FLT4: variants seen among roughly 807,000 people sequenced by gnomAD.
FLT4 encodes fms related receptor tyrosine kinase 4.
Under a neutral mutation model 163.2 loss-of-function variants are expected in FLT4, and 30 were observed. The ratio of observed to expected loss-of-function variants is 0.18; its 90% CI spans 0.14 to 0.25. The LOEUF is 0.25. FLT4 is among the 10% of genes least tolerant of loss of function. The pLI, the probability that FLT4 is intolerant of heterozygous loss-of-function variation, is 1.00. For synonymous variants in FLT4, 884 were observed against 789.5 expected (o/e 1.12, Z -2.01); for missense variants, 1,510 against 1,863.8 (o/e 0.81, Z 3.50).
chr5:180,630,248 C>G lies in FLT4; in HGVS notation c.490G>C (p.Gly164Arg). Residue 164 changes from glycine to arginine, a missense_variant, in exon 4 of 30, where the codon GGC becomes CGC. Physicochemically the swap from Gly to Arg is moderately radical, Grantham distance 125. This residue lies in a region of FLT4 where 163 missense variants were observed against 281.1 expected (regional missense o/e 0.58). Transcript: ENST00000261937. This position sits in a 1 kb window ranked among gnomAD's most constrained non-coding sequence, Gnocchi z 6.3. ...ACCGAGCGCAGCGTGACATTGAGGCCGGGGATGGACACCAGACAGGGCACC... is the reference window on the plus strand; with the variant it reads ...ACCGAGCGCAGCGTGACATTGAGGCGGGGGATGGACACCAGACAGGGCACC... ...MWVPCLVSIP[G>R]LNVTLRSQSS... 1.9e-6 allele frequency: 3 copies of G among 1,612,422 alleles called. No homozygotes were observed. The highest frequency in any genetic ancestry group is 1.7e-6 in the Non-Finnish European group (2 of 1,179,792).
At position 180,623,152 on chromosome 5, in the gene FLT4, G is replaced by C. The variant is rs1179031889; in HGVS notation, c.1549-313C>G. On this transcript the variant is annotated intron_variant, in intron 11 of 29. Coordinates refer to ENST00000261937, the MANE Select transcript of FLT4 (RefSeq NM_182925.5). The surrounding 1 kb of genome is among the most constrained non-coding windows in gnomAD (Gnocchi z 5.8). ...AGACCTCTGGCCGTGGCTATGTTGA[G>C]GGGGCACCAGCGTCAGTGCAAGCCA... Among the ~76,000 whole-genome samples the C allele has an allele frequency of 1.3e-5, 2 of 152,172 alleles. No individual in the cohort carries two copies. Among genetic ancestry groups the C allele is most frequent in the Non-Finnish European group, 2.9e-5 (2 of 68,020 alleles).
chr5:180,612,737 C>A, intron 25 of FLT4, 126 bp from the exon 26 acceptor site: 1 of 746,036 alleles, frequency 1.3e-6, no homozygotes, highest in South Asian at 1.4e-5. Flanking sequence ...CCACTCTTGT[C>A]CAGCTACCCT....
chr5:180,604,129 A>AACAGCAAAGCGGATCG (rs1232701591), intron 29 of FLT4, among the ~76,000 whole-genome samples: 1 of 152,106 alleles, frequency 6.6e-6, no homozygotes, highest in Non-Finnish European at 1.5e-5. Context: ...ACTCGACTCA[A>AACAGCAAAGCGGATCG]ACAGCAAAGC....
intron 27 of FLT4, among the ~76,000 whole-genome samples, chr5:180,611,035 C>A (rs565214879): frequency 6.6e-6 from 1 of 152,090 alleles, no homozygotes; most frequent in Non-Finnish European, 1.5e-5. Context: ...CCAGCCTGGG[C>A]GACAGAGCGA....
At position 180,611,394 on chromosome 5, in the gene FLT4, T is replaced by G. The variant is rs753206035; in HGVS notation, c.3623A>C (p.His1208Pro). Residue 1208 changes from histidine to proline, a missense_variant, in exon 27 of 30, where the codon CAC (histidine) becomes CCC (proline). His to Pro is a moderately conservative substitution (Grantham distance 77, BLOSUM62 -2). Around this residue, in one of 5 missense-constraint regions of FLT4, gnomAD observed 295 missense variants for 311.0 expected, o/e 0.95. Coordinates refer to ENST00000261937, the MANE Select transcript of FLT4 (RefSeq NM_182925.5). ...GTCCTCAGCGTCAGCCTGGGCGATG[T>G]GTAGGGCCATGGTGGACACCTGCGA... ...SFSQVSTMAL[H>P]IAQADAEDSP... The G allele has an allele frequency of 6.2e-7, 1 of 1,614,072 alleles. No homozygotes were observed. Among genetic ancestry groups the G allele is most frequent in the African/African-American group, 1.3e-5 (1 of 75,034 alleles).
In FLT4 at chr5:180,636,428, A is replaced by G. The variant is rs188312397; in HGVS notation, c.59-4650T>C. 1.7e-3 allele frequency among the ~76,000 whole-genome samples: 254 copies of G among 151,734 alleles called. 2 individuals are homozygous for G. Among genetic ancestry groups the G allele is most frequent in the African/African-American group, 5.9e-3 (243 of 41,336 alleles). ...CCTCGCAGCCACCTGCCCTCCCTAC[A>G]GCAGTCCCTCTGAGGGTCCTGCTCT... On this transcript the variant is annotated intron_variant, in intron 1 of 29. Coordinates refer to ENST00000261937, the MANE Select transcript of FLT4 (RefSeq NM_182925.5). This position sits in a 1 kb window ranked among gnomAD's most constrained non-coding sequence, Gnocchi z 4.3.
At chr5:180,633,500 A>G (rs1764328319) in intron 1 of FLT4, among the ~76,000 whole-genome samples, 1 of 152,042 alleles carries the variant, frequency 6.6e-6, no homozygotes, top group African/African-American at 2.4e-5. Flanking sequence ...CACATGCACC[A>G]CAGCGGGGCC....
chr5:180,611,015 C>T (rs910383785), intron 27 of FLT4, among the ~76,000 whole-genome samples: 1 of 152,186 alleles, frequency 6.6e-6, no homozygotes, highest in Non-Finnish European at 1.5e-5. Context: ...CGAGATCGCG[C>T]CACTGCACTC....
chr5:180,647,837 A>C (rs1489988137), intron 1 of FLT4, among the ~76,000 whole-genome samples: 1 of 152,082 alleles, frequency 6.6e-6, no homozygotes, highest in Non-Finnish European at 1.5e-5. Context: ...ACTAAGAGTC[A>C]CTACTTACTG....
At chr5:180,625,728 T>C in intron 10 of FLT4, 141 bp downstream of exon 10, 1 of 775,256 alleles carries the variant, frequency 1.3e-6, no homozygotes, top group East Asian at 2.7e-5. Context: ...TAGCTGAAGG[T>C]AGGGTTCAAG....
intron 10 of FLT4, 46 bp downstream of exon 10, chr5:180,625,823 G>A (rs1173251184): frequency 1.3e-6 from 2 of 1,577,674 alleles, no homozygotes; most frequent in Middle Eastern, 2.2e-4. Context: ...GGCTGAGGCT[G>A]GGGGCTGTGG....
Position 180,608,970 on chromosome 5 carries a change from GA to G in FLT4, c.3890del (p.Phe1297SerfsTer12), listed in dbSNP as rs1423240920. 1 of 1,613,790 alleles carries G rather than the reference GA, an allele frequency of 6.2e-7. No individual in the cohort carries two copies. Among genetic ancestry groups the G allele is most frequent in the Non-Finnish European group, 8.5e-7 (1 of 1,179,666 alleles). On this transcript the variant is annotated frameshift_variant, in exon 29 of 30. Coordinates refer to ENST00000261937, the MANE Select transcript of FLT4 (RefSeq NM_182925.5). LOFTEE classifies it low-confidence loss of function (END_TRUNC). ...IESRHRQESG[F>X]SCKGPGQNVA... The stretch of plus-strand genomic sequence containing the variant: ...CAGGAGGCTCACGAAGCCCTTACCT[GA>G]AGCCGCTTTCTTGTCTATGCCTGCT...
At chr5:180,631,004 G>A (rs1421159213) in intron 2 of FLT4, among the ~76,000 whole-genome samples, 6 of 152,154 alleles carry the variant, frequency 3.9e-5, no homozygotes, top group African/African-American at 1.4e-4. Context: ...GGGCTGGCCT[G>A]TGGCCAAGCA....
chr5:180,604,557 C>T (rs138708592), intron 29 of FLT4, among the ~76,000 whole-genome samples: 1,618 of 152,266 alleles, frequency 0.011, 11 homozygotes, highest in Non-Finnish European at 0.017. Context: ...CGCCCTCCAA[C>T]GGCTTCCCGT....
At chr5:180,629,094 A>T in intron 7 of FLT4, 95 bp from the exon 8 acceptor site, 2 of 1,436,804 alleles carry the variant, frequency 1.4e-6, no homozygotes, top group Non-Finnish European at 2.0e-6. Flanking sequence ...CGGCAGCCGG[A>T]CATCCGCAGA....
chr5:180,603,594 C>G (rs1267985409), intron 29 of FLT4, among the ~76,000 whole-genome samples: 1 of 152,198 alleles, frequency 6.6e-6, no homozygotes, highest in South Asian at 2.1e-4. Context: ...CGCCTGCGGT[C>G]CCAGCTAAGT....
At chr5:180,634,743 C>A in intron 1 of FLT4, among the ~76,000 whole-genome samples, 1 of 124,226 alleles carries the variant, frequency 8.0e-6, no homozygotes, top group Non-Finnish European at 1.6e-5. Flanking sequence ...TGGATGGAAA[C>A]GGGATGGATG....
chr5:180,607,834 T>G, intron 29 of FLT4: 1 of 499,344 alleles, frequency 2.0e-6, no homozygotes, highest in South Asian at 2.8e-5. Context: ...GGGCACAGGG[T>G]CAGGTGCTGA....
chr5:180,628,198 CAA>C (rs760538646), intron 8 of FLT4, among the ~76,000 whole-genome samples: 1 of 152,216 alleles, frequency 6.6e-6, no homozygotes. Flanking sequence ...AATGGGGACT[CAA>C]AGTGTGACTG....
Sources: gnomAD v4.1 joint callset for allele counts (sites outside exome capture counted in the v4.1 genomes callset) on GRCh38, gnomAD v4.1.1 for gene constraint, gnomAD v4.1.1 regional missense constraint, Gnocchi (gnomAD v3.1) non-coding constraint, MANE v1.5 for transcripts, NCBI Gene and HGNC (gene_info 2026-07-23, HGNC 2026-07-21) for gene names.